Variants in MYH11 observed in about 807,000 individuals in gnomAD.
MYH11 encodes the protein myosin heavy chain 11.
MYH11 carries 80 observed loss-of-function variants against 246.6 expected under a neutral mutation model. The observed-to-expected ratio is 0.32, with a 90% confidence interval of 0.27 to 0.39. MYH11 has a LOEUF of 0.39. Among genes scored for constraint, MYH11 ranks in the 10% least tolerant of loss-of-function variants. MYH11 has a pLI of 1.00. For missense variants in MYH11, 2,158 were observed against 2,546.8 expected (o/e 0.85, Z 3.29); for synonymous variants, 1,071 against 1,015.5 (o/e 1.05, Z -1.04).
At position 15,827,991 on chromosome 16, in the gene MYH11, G is replaced by A. The variant is rs539588373; in HGVS notation, c.346-4580C>T. Among the ~76,000 whole-genome samples the A allele has an allele frequency of 7.2e-5, 11 of 152,122 alleles. No individual in the cohort carries two copies. The South Asian group carries it at 1.2e-3, about 17-fold the overall frequency. On this transcript the variant is annotated intron_variant, in intron 2 of 40. Coordinates refer to ENST00000300036, the MANE Select transcript of MYH11 (RefSeq NM_002474.3). ...CCTCTGGGGCCATGTCCACTGCCAC[G>A]CCCCTTTTGAATGTAGGTATCATTT...
intron 9 of MYH11, among the ~76,000 whole-genome samples, chr16:15,765,738 C>G (rs2041967524): frequency 6.6e-6 from 1 of 152,182 alleles, no homozygotes; most frequent in Admixed American, 6.5e-5. Flanking sequence ...CCATTTGCTC[C>G]CACTTACTAT....
chr16:15,752,869 A>T (rs1249520033), intron 15 of MYH11, among the ~76,000 whole-genome samples: 1 of 151,924 alleles, frequency 6.6e-6, no homozygotes, highest in African/African-American at 2.4e-5. Flanking sequence ...ACAAAGCAAG[A>T]CTCTGTCCCT....
intron 2 of MYH11, among the ~76,000 whole-genome samples, chr16:15,836,172 G>A (rs8061213): frequency 0.026 from 3,956 of 152,098 alleles, 172 homozygotes; most frequent in African/African-American, 0.089. Context: ...GACATAGGCC[G>A]GGTTGGGTGA....
chr16:15,737,063 G>C (rs1485111628), intron 25 of MYH11, among the ~76,000 whole-genome samples: 1 of 151,674 alleles, frequency 6.6e-6, no homozygotes, highest in African/African-American at 2.4e-5. Context: ...TAGAGGGAGG[G>C]GCTGGGGAAA....
chr16:15,725,169 A>T (rs1019016231), intron 28 of MYH11, 177 bp from the exon 29 acceptor site: 22 of 642,108 alleles, frequency 3.4e-5, no homozygotes, highest in Middle Eastern at 4.1e-4. Flanking sequence ...ACACAAAAAA[A>T]ACAGAATCTG....
intron 27 of MYH11, among the ~76,000 whole-genome samples, chr16:15,732,182 C>T (rs901505621): frequency 2.6e-5 from 4 of 152,050 alleles, no homozygotes; most frequent in Non-Finnish European, 4.4e-5. Context: ...AGGCTGGTCT[C>T]GAACTCCTGA....
intron 40 of MYH11, chr16:15,708,936 T>C: frequency 7.8e-7 from 1 of 1,288,690 alleles, no homozygotes; most frequent in South Asian, 1.3e-5. Flanking sequence ...TTTGCTTCGA[T>C]TTAATAATTA....
chr16:15,754,538 T>C, intron 14 of MYH11, among the ~76,000 whole-genome samples: 1 of 152,174 alleles, frequency 6.6e-6, no homozygotes, highest in African/African-American at 2.4e-5. Context: ...AAAAGAAAAG[T>C]GTTGTCTCTA....
chr16:15,744,021 A>G (rs1293016382), intron 20 of MYH11, among the ~76,000 whole-genome samples: 1 of 152,110 alleles, frequency 6.6e-6, no homozygotes, highest in Non-Finnish European at 1.5e-5. Context: ...CTGTAATCCC[A>G]GCACTTTGGG....
chr16:15,786,670 A>G lies in MYH11; in HGVS notation c.593T>C (p.Val198Ala). 6.2e-7 allele frequency: 1 copy of G among 1,614,110 alleles called. No homozygotes were observed. The highest frequency in any genetic ancestry group is 8.5e-7 in the Non-Finnish European group (1 of 1,180,008). ...TKKVIQYLAV[V>A]ASSHKGKKDT... ...TTTCTTGCCCTTGTGGGAGGAGGCCACCACGGCCAGGTACTGAATGACCTT... is the reference window on the plus strand; with the variant it reads ...TTTCTTGCCCTTGTGGGAGGAGGCCGCCACGGCCAGGTACTGAATGACCTT... The change falls in exon 5 of 41, where the codon GTG (valine) becomes GCG (alanine). Residue 198 changes from valine to alanine, a missense_variant. Physicochemically the swap from Val to Ala is moderately conservative, Grantham distance 64. This residue lies in a region of MYH11 where 123 missense variants were observed against 207.1 expected (regional missense o/e 0.59). Transcript: ENST00000300036.
intron 40 of MYH11, among the ~76,000 whole-genome samples, chr16:15,712,227 C>T (rs181957962): frequency 5.3e-5 from 8 of 152,172 alleles, no homozygotes; most frequent in East Asian, 1.9e-4. Flanking sequence ...CATGTGGGAA[C>T]GGGAGGGTGG....
chr16:15,713,450 T>TG (rs2151187629), intron 40 of MYH11: 1 of 151,942 alleles, frequency 6.6e-6, no homozygotes, highest in East Asian at 1.9e-4. Context: ...GGGAGGGGTG[T>TG]GGGAGGACCC....
intron 3 of MYH11, among the ~76,000 whole-genome samples, chr16:15,808,333 GCA>G (rs2043061458): frequency 6.6e-6 from 1 of 152,168 alleles, no homozygotes; most frequent in African/African-American, 2.4e-5. Flanking sequence ...ACTGGAGTAA[GCA>G]CAGTCATCAT....
At chr16:15,792,211 AC>A (rs1389821104) in intron 4 of MYH11, 3 of 152,148 alleles carry the variant, frequency 2.0e-5, no homozygotes, top group African/African-American at 7.2e-5. Context: ...GGCATGTGCC[AC>A]TACACCTAGC....
intron 1 of MYH11, among the ~76,000 whole-genome samples, chr16:15,850,513 G>T (rs559190232): frequency 3.9e-5 from 6 of 152,260 alleles, no homozygotes; most frequent in Admixed American, 3.3e-4. Flanking sequence ...AAAGATTTTG[G>T]ACCAGAGACA....
chr16:15,787,220 A>T (rs566910400), intron 4 of MYH11, among the ~76,000 whole-genome samples: 1 of 152,144 alleles, frequency 6.6e-6, no homozygotes, highest in African/African-American at 2.4e-5. Context: ...CAGCCTGAGC[A>T]ACACAGCACA....
chr16:15,784,644 T>G, intron 5 of MYH11: 1 of 1,604,472 alleles, frequency 6.2e-7, no homozygotes, highest in Non-Finnish European at 8.5e-7. Context: ...CATGCAGATC[T>G]AAGTTCACTC....
intron 3 of MYH11, among the ~76,000 whole-genome samples, chr16:15,816,765 T>G (rs1180441596): frequency 6.7e-6 from 1 of 149,550 alleles, no homozygotes; most frequent in Admixed American, 6.7e-5. Context: ...TGATCAAGTG[T>G]TGTTTTCAGA....
chr16:15,852,334 CTTTTT>C (rs4006745), intron 1 of MYH11, among the ~76,000 whole-genome samples: 1 of 129,166 alleles, frequency 7.7e-6, no homozygotes, highest in Non-Finnish European at 1.6e-5. Flanking sequence ...TTTGCAATGC[CTTTTT>C]TTTTTTTTTT....
Sources: gnomAD v4.1 joint callset for allele counts (sites outside exome capture counted in the v4.1 genomes callset) on GRCh38, gnomAD v4.1.1 for gene constraint, gnomAD v4.1.1 regional missense constraint, MANE v1.5 for transcripts, NCBI Gene and HGNC (gene_info 2026-07-23, HGNC 2026-07-21) for gene names.